Variants in MINAR1 observed in about 807,000 individuals in gnomAD.
MINAR1 encodes membrane integral NOTCH2 associated receptor 1, also known as major intrinsically disordered Notch2-binding receptor 1.
A neutral mutation model predicts 65.1 loss-of-function variants in MINAR1; 40 were observed. The observed-to-expected ratio is 0.61, with a 90% CI of 0.48 to 0.80. MINAR1 has a LOEUF of 0.80. Among genes scored for constraint, MINAR1 ranks in the 30% least tolerant of loss-of-function variants. MINAR1 has a pLI of 0.00. For missense variants in MINAR1, 1,128 were observed against 1,148.0 expected, an observed-to-expected ratio of 0.98 and a Z score of 0.25; for synonymous variants, 482 against 449.1, an observed-to-expected ratio of 1.07 and a Z score of -0.93.
chr15:79,456,781 C>T lies in MINAR1; in HGVS notation c.634C>T (p.Gln212Ter). The T allele has an allele frequency of 1.9e-6, 3 of 1,614,178 alleles. No individual in the cohort carries two copies. The highest frequency in any genetic ancestry group is 1.7e-6 in the Non-Finnish European group (2 of 1,180,034). The change falls in exon 2 of 4, where the codon CAG becomes TAG. Residue 212 changes from glutamine to a stop codon, truncating the protein, a stop_gained. Coordinates refer to ENST00000305428, the MANE Select transcript of MINAR1 (RefSeq NM_015206.3). LOFTEE classifies it high-confidence loss of function. Reference protein sequence around the residue: ...SVTSPQPCEMQRTYFPMNIEN... With the variant: ...SVTSPQPCEM ...GACCAGCCCTCAGCCCTGTGAGATG[C>T]AGAGGACCTACTTCCCCATGAACAT...
In MINAR1 at chr15:79,457,910, C is replaced by G. The variant is rs754227024; in HGVS notation, c.1763C>G (p.Ser588Trp). 1 of 1,614,000 alleles carries G rather than the reference C, an allele frequency of 6.2e-7. No homozygotes were observed. Among genetic ancestry groups the G allele is most frequent in the South Asian group, 1.1e-5 (1 of 91,074 alleles). Residue 588 changes from serine (S) to tryptophan (W), a missense_variant, in exon 2 of 4, where the codon TCG (serine) becomes TGG (tryptophan). Transcript: ENST00000305428. ...KGNRPENTHH[S>W]EEELKTSVCK... The stretch of plus-strand genomic sequence containing the variant: ...AACCGGCCTGAAAACACCCACCACT[C>G]GGAAGAAGAGCTGAAGACCAGTGTG...
At chr15:79,412,896 A>G in the MINAR1 span, 1 of 152,352 alleles carries the variant, frequency 6.6e-6, no homozygotes, top group Admixed American at 6.5e-5. Context: ...CCAGAGAACG[A>G]AGTTGGGCCT....
At chr15:79,414,111 A>G in the MINAR1 span, 2 of 152,208 alleles carry the variant, frequency 1.3e-5, no homozygotes, top group African/African-American at 4.8e-5. Flanking sequence ...GAAAGAAGCA[A>G]AGGGACTGAA....
chr15:79,433,364 G>A (rs890941417), intron 1 of MINAR1, among the ~76,000 whole-genome samples: 1 of 152,248 alleles, frequency 6.6e-6, no homozygotes, highest in East Asian at 1.9e-4. Flanking sequence ...CCTGTGTTAA[G>A]CAGCAGGGAA....
rs1895957661 is a variant in MINAR1 at position 79,468,489 on chromosome 15, T to C, written c.*105T>C. 2.0e-6 allele frequency: 2 copies of C among 1,007,978 alleles called. No individual in the cohort carries two copies. Among genetic ancestry groups the C allele is most frequent in the East Asian group, 5.2e-5 (2 of 38,556 alleles). 62.4% of individuals were successfully genotyped at this position (1,007,978 alleles called of 1,614,324 possible). On this transcript the variant is annotated 3_prime_UTR_variant, in exon 4 of 4. Transcript: ENST00000305428. ...ACAATTTGTTGAAATGGAGATGAAA[T>C]CATGGAGGCATTTCTACAAATGTTG...
At chr15:79,441,863 ATAAG>A (rs1327090352) in intron 1 of MINAR1, among the ~76,000 whole-genome samples, 2 of 152,166 alleles carry the variant, frequency 1.3e-5, no homozygotes, top group African/African-American at 4.8e-5. Flanking sequence ...AGATTTATAA[ATAAG>A]TAATCAAACA....
At chr15:79,439,377 AGT>A (rs1180250813) in intron 1 of MINAR1, among the ~76,000 whole-genome samples, 2 of 61,670 alleles carry the variant, frequency 3.2e-5, no homozygotes, top group African/African-American at 1.2e-4. Context: ...TGGGGTAGGC[AGT>A]GTGTGTGTGG....
At chr15:79,444,490 A>G (rs938785528) in intron 1 of MINAR1, among the ~76,000 whole-genome samples, 1 of 151,764 alleles carries the variant, frequency 6.6e-6, no homozygotes, top group Non-Finnish European at 1.5e-5. Context: ...TACTATACTG[A>G]TTTTTTTCCC....
intron 1 of MINAR1, among the ~76,000 whole-genome samples, chr15:79,441,657 A>G (rs1283489154): frequency 6.6e-6 from 1 of 152,132 alleles, no homozygotes; most frequent in Non-Finnish European, 1.5e-5. Flanking sequence ...TGTAAGTCAC[A>G]TACTTCTCCA....
chr15:79,465,502 T>C (rs1186156281), intron 3 of MINAR1, among the ~76,000 whole-genome samples: 1 of 152,064 alleles, frequency 6.6e-6, no homozygotes, highest in Non-Finnish European at 1.5e-5. Flanking sequence ...TTCTACTTGG[T>C]GCGATTACAG....
upstream of MINAR1, among the ~76,000 whole-genome samples, chr15:79,428,072 GT>G (rs150911707): frequency 0.012 from 1,865 of 152,272 alleles, 80 homozygotes; most frequent in East Asian, 0.11. Flanking sequence ...GGAGGAAACA[GT>G]TTTCCCGTGC....
intron 1 of MINAR1, among the ~76,000 whole-genome samples, chr15:79,436,719 TTA>T (rs1415377761): frequency 1.3e-5 from 2 of 152,240 alleles, no homozygotes; most frequent in Non-Finnish European, 2.9e-5. Context: ...TCATTTAATA[TTA>T]TCCTTAAAGC....
chr15:79,423,647 G>A, the MINAR1 span: 1 of 152,198 alleles, frequency 6.6e-6, no homozygotes, highest in South Asian at 2.1e-4. Flanking sequence ...CAGGGACTAT[G>A]TGTCACTCAT....
chr15:79,464,001 C>T (rs747352402), intron 3 of MINAR1, among the ~76,000 whole-genome samples: 15 of 152,192 alleles, frequency 9.9e-5, no homozygotes, highest in African/African-American at 2.2e-4. Flanking sequence ...CAGGAGTGCC[C>T]GTTCCGTCCA....
At chr15:79,431,501 A>G (rs1327408911), upstream of MINAR1, among the ~76,000 whole-genome samples, 6 of 133,620 alleles carry the variant, frequency 4.5e-5, no homozygotes, top group African/African-American at 6.4e-5. Flanking sequence ...ATGAGTGAGT[A>G]TGTGTGTGTG....
chr15:79,451,704 A>T (rs905009876), intron 1 of MINAR1, among the ~76,000 whole-genome samples: 8 of 152,178 alleles, frequency 5.3e-5, no homozygotes, highest in African/African-American at 1.4e-4. Flanking sequence ...CTCTGAAGCC[A>T]GGTGGGATGG....
At chr15:79,459,780 G>T (rs951624472) in intron 2 of MINAR1, among the ~76,000 whole-genome samples, 14 of 152,180 alleles carry the variant, frequency 9.2e-5, no homozygotes, top group Non-Finnish European at 1.8e-4. Flanking sequence ...GCTGGTTACT[G>T]CTGTGTGCTT....
rs77319554 is a variant in MINAR1 at position 79,449,553 on chromosome 15, C to A, written c.-50-6545C>A. On this transcript the variant is annotated intron_variant, in intron 1 of 3. Coordinates refer to ENST00000305428, the MANE Select transcript of MINAR1 (RefSeq NM_015206.3). ...CAAGCTAGCAGAATGCTGCACAAAG[C>A]CTCATTTTATAAGGGCATGAAACCC... is the stretch of plus-strand genomic sequence containing the variant. 1.8e-4 allele frequency among the ~76,000 whole-genome samples: 28 copies of A among 152,230 alleles called. 1 individual carries two copies. In the South Asian group the frequency reaches 5.6e-3, roughly 30 times the overall value.
intron 1 of MINAR1, among the ~76,000 whole-genome samples, chr15:79,445,486 C>T (rs1894987485): frequency 6.6e-6 from 1 of 151,784 alleles, no homozygotes; most frequent in Non-Finnish European, 1.5e-5. Context: ...TAACAATACT[C>T]TGATTTAGTT....
Sources: allele counts gnomAD v4.1 joint callset (sites outside exome capture counted in the v4.1 genomes callset), GRCh38; gene constraint gnomAD v4.1.1; transcripts MANE v1.5; gene names NCBI Gene and HGNC (gene_info 2026-07-23, HGNC 2026-07-21).